Variants in PRDM1 observed in about 807,000 individuals in gnomAD.
PRDM1 encodes the protein PR domain zinc finger protein 1.
Under a neutral mutation model 62.8 loss-of-function variants are expected in PRDM1, and 13 were observed. The observed-to-expected ratio is 0.21, with a 90% CI of 0.13 to 0.33. PRDM1 has a LOEUF of 0.33. Among genes scored for constraint, PRDM1 ranks in the 10% least tolerant of loss-of-function variants. PRDM1 has a pLI of 1.00. For synonymous variants in PRDM1, 396 were observed against 417.6 expected, an observed-to-expected ratio of 0.95 and a Z score of 0.63; for missense variants, 895 against 1,058.8, an observed-to-expected ratio of 0.85 and a Z score of 2.15.
At chr6:105,992,903 G>C (rs1772296917), upstream of PRDM1, among the ~76,000 whole-genome samples, 1 of 152,218 alleles carries the variant, frequency 6.6e-6, no homozygotes, top group Non-Finnish European at 1.5e-5. Context: ...ATGGGCCCAG[G>C]AAAGATAGGG....
At chr6:105,993,171 G>A (rs1582418670), upstream of PRDM1, among the ~76,000 whole-genome samples, 1 of 152,244 alleles carries the variant, frequency 6.6e-6, no homozygotes, top group Non-Finnish European at 1.5e-5. Flanking sequence ...TTTCTCTACT[G>A]GAATCGTTAA....
intron 1 of PRDM1, among the ~76,000 whole-genome samples, chr6:106,050,019 G>C (rs1312592207): frequency 6.6e-6 from 1 of 152,154 alleles, no homozygotes; most frequent in Admixed American, 6.5e-5. Flanking sequence ...GTGCAGAGTA[G>C]CATAGGAGAT....
chr6:106,087,519 T>C (rs905712603), intron 1 of PRDM1: 14 of 232,756 alleles, frequency 6.0e-5, no homozygotes, highest in African/African-American at 3.1e-4. Context: ...TTCCTCCTCT[T>C]TTCCTGTGGT....
intron 1 of PRDM1, among the ~76,000 whole-genome samples, chr6:106,031,688 T>C (rs111835253): frequency 7.2e-4 from 109 of 152,314 alleles, no homozygotes; most frequent in Admixed American, 1.8e-3. Context: ...GGGGAAACCA[T>C]GATTTTATCT....
At chr6:106,086,620 T>G (rs1773814650) in intron 1 of PRDM1, 25 bp downstream of exon 1, 1 of 1,539,652 alleles carries the variant, frequency 6.5e-7, no homozygotes, top group Non-Finnish European at 8.8e-7. Context: ...TTTTTTTTTT[T>G]TAATTCTGAA....
intron 4 of PRDM1, among the ~76,000 whole-genome samples, chr6:106,102,385 A>G (rs1489672134): frequency 6.6e-6 from 1 of 152,196 alleles, no homozygotes; most frequent in African/African-American, 2.4e-5. Context: ...GGACTTCCTA[A>G]TTTCCACCTG....
chr6:106,104,144 A>G (rs1427821341), intron 4 of PRDM1, among the ~76,000 whole-genome samples: 1 of 151,852 alleles, frequency 6.6e-6, no homozygotes, highest in Non-Finnish European at 1.5e-5. Flanking sequence ...CATCAGAAAG[A>G]CTTTTATTAA....
intron 2 of PRDM1, among the ~76,000 whole-genome samples, chr6:106,094,324 TA>T (rs1369909470): frequency 2.6e-5 from 4 of 152,082 alleles, no homozygotes; most frequent in African/African-American, 9.7e-5. Flanking sequence ...AAAATAAAAC[TA>T]GGAAAGTGAG....
intron 1 of PRDM1, among the ~76,000 whole-genome samples, chr6:105,997,345 A>C (rs961357081): frequency 6.6e-6 from 1 of 152,068 alleles, no homozygotes. Context: ...TTCGTGTGTC[A>C]TGGAAGGCCT....
intron 1 of PRDM1, among the ~76,000 whole-genome samples, chr6:106,077,299 G>A (rs1773619510): frequency 6.6e-6 from 1 of 152,160 alleles, no homozygotes; most frequent in Non-Finnish European, 1.5e-5. Context: ...CTGTGCTAAG[G>A]GCTGGGTTTT....
rs780744340 is a variant in PRDM1 at position 106,106,522 on chromosome 6, A to T, written c.1902+23A>T. 3 of 1,613,284 alleles carry T rather than the reference A, an allele frequency of 1.9e-6. No homozygotes were observed. The African/African-American group carries it at 4.0e-5, about 22-fold the overall frequency. On this transcript the variant is annotated intron_variant, in intron 6 of 6. Transcript: ENST00000369096. This position sits in a 1 kb window ranked among gnomAD's most constrained non-coding sequence, Gnocchi z 4.4. ...CAGGTGCGCAGTATTTTCTGGGTAG[A>T]CCTTCTGACCTTTGTAGAAAATGTC...
At position 106,086,609 on chromosome 6, in the gene PRDM1, A is replaced by ATTT; in HGVS notation, c.42+24_42+26dup. 3.2e-6 allele frequency: 4 copies of ATTT among 1,239,984 alleles called. No homozygotes were observed. The highest frequency in any genetic ancestry group is 2.4e-5 in the Admixed American group (1 of 40,960). The allele number at this position is 1,239,984 out of a possible 1,614,324, so 76.8% of individuals were successfully genotyped here. On this transcript the variant is annotated intron_variant, in intron 1 of 6. Coordinates refer to ENST00000369096, the MANE Select transcript of PRDM1 (RefSeq NM_001198.4). Reference sequence around the variant, plus strand: ...GGTACGACCTTGGTAAGGAACTTGAATTTTTTTTTTTTAATTCTGAAATTG... The same window carrying ATTT: ...GGTACGACCTTGGTAAGGAACTTGAATTTTTTTTTTTTTTTAATTCTGAAATTG...
chr6:105,999,698 T>A (rs551488597), intron 1 of PRDM1, among the ~76,000 whole-genome samples: 32 of 152,316 alleles, frequency 2.1e-4, no homozygotes, highest in South Asian at 1.0e-3. Flanking sequence ...AACAAGCTCA[T>A]GTAACCTTTG....
chr6:106,018,441 A>G (rs1294228623), intron 1 of PRDM1, among the ~76,000 whole-genome samples: 1 of 152,228 alleles, frequency 6.6e-6, no homozygotes, highest in African/African-American at 2.4e-5. Flanking sequence ...ACTGAAATCC[A>G]TACTTCATTC....
rs1427805047 is a variant in PRDM1, at chr6:106,073,558, CTTATTT to C, written c.-66-14636_-66-14631del. ...GTCAGCTGGACAGCGTTAAGGAACT[CTTATTT>C]TTATTTATTGCTTTGCCTAGGTAAT... On this transcript the variant is annotated intron_variant, in intron 1 of 6. Coordinates refer to the PRDM1 transcript ENST00000651185. 5.9e-5 allele frequency among the ~76,000 whole-genome samples: 9 copies of C among 152,250 alleles called. No homozygotes were observed. The East Asian group carries it at 1.7e-3, about 29-fold the overall frequency.
intron 1 of PRDM1, among the ~76,000 whole-genome samples, chr6:106,054,028 C>CT (rs957133642): frequency 2.8e-4 from 42 of 148,438 alleles, no homozygotes; most frequent in East Asian, 1.2e-3. Context: ...GTGTTGGTCT[C>CT]TTTTTTTTTT....
At chr6:106,046,550 C>A (rs1773079702), upstream of PRDM1, 1 of 152,216 alleles carries the variant, frequency 6.6e-6, no homozygotes, top group Admixed American at 6.5e-5. Flanking sequence ...CTGGCAGTCC[C>A]CTGTTGCAGT....
intron 1 of PRDM1, among the ~76,000 whole-genome samples, chr6:106,051,676 A>G (rs1379139970): frequency 6.6e-6 from 1 of 152,204 alleles, no homozygotes; most frequent in Non-Finnish European, 1.5e-5. Context: ...GTAGGCCACA[A>G]CAAGGCTTGG....
chr6:106,075,451 A>G (rs1052837876), intron 1 of PRDM1, among the ~76,000 whole-genome samples: 1 of 152,222 alleles, frequency 6.6e-6, no homozygotes, highest in Non-Finnish European at 1.5e-5. Context: ...ATTAATATGC[A>G]GCAACAGTAG....
Sources: allele counts gnomAD v4.1 joint callset (sites outside exome capture counted in the v4.1 genomes callset), GRCh38; gene constraint gnomAD v4.1.1; non-coding constraint Gnocchi (gnomAD v3.1); transcripts MANE v1.5; gene names NCBI Gene and HGNC (gene_info 2026-07-23, HGNC 2026-07-21).